Variants in UNC13C observed in about 807,000 individuals in gnomAD.
UNC13C encodes unc-13 homolog C, also known as protein unc-13 homolog C.
In UNC13C, 174 loss-of-function variants were observed where a neutral mutation model predicts 245.4. The ratio of observed to expected loss-of-function variants is 0.71; its 90% CI spans 0.63 to 0.80. UNC13C has a LOEUF of 0.80. Among genes scored for constraint, UNC13C ranks in the 30% least tolerant of loss-of-function variants. UNC13C has a pLI of 0.00. For missense variants in UNC13C, 2,829 were observed against 2,602.9 expected (o/e 1.09, Z -1.89); for synonymous variants, 992 against 895.1 (o/e 1.11, Z -1.93).
At chr15:54,606,441 T>C (rs774584882) in intron 30 of UNC13C, among the ~76,000 whole-genome samples, 17 of 152,314 alleles carry the variant, frequency 1.1e-4, no homozygotes, top group Admixed American at 7.2e-4. Flanking sequence ...ATTTGTGGGT[T>C]TCTTAGGGGA....
chr15:54,343,046 A>G (rs1248732685), intron 17 of UNC13C, among the ~76,000 whole-genome samples: 5 of 151,762 alleles, frequency 3.3e-5, no homozygotes, highest in South Asian at 4.2e-4. Context: ...GGCTCTTTCA[A>G]TTCTTTTACA....
intron 4 of UNC13C, among the ~76,000 whole-genome samples, chr15:54,190,097 C>T (rs1370342161): frequency 6.6e-6 from 1 of 151,982 alleles, no homozygotes; most frequent in Non-Finnish European, 1.5e-5. Flanking sequence ...AAGGTCACAC[C>T]TTCTAGTGTT....
intron 19 of UNC13C, among the ~76,000 whole-genome samples, chr15:54,426,851 G>C (rs902332702): frequency 2.6e-5 from 4 of 151,832 alleles, no homozygotes; most frequent in Admixed American, 6.6e-5. Flanking sequence ...ATTAAATTAG[G>C]TGCTACGTGT....
intron 1 of UNC13C, among the ~76,000 whole-genome samples, chr15:53,997,881 C>T (rs1894706748): frequency 6.6e-6 from 1 of 152,146 alleles, no homozygotes. Context: ...TGGCTCACTG[C>T]AACCTCCACC....
intron 10 of UNC13C, among the ~76,000 whole-genome samples, chr15:54,287,513 A>G (rs748619905): frequency 2.0e-5 from 3 of 152,218 alleles, no homozygotes; most frequent in Non-Finnish European, 4.4e-5. Flanking sequence ...CATTTATTTC[A>G]TTCAACAAGA....
chr15:54,242,977 T>C (rs1352007607), intron 7 of UNC13C, among the ~76,000 whole-genome samples: 1 of 152,198 alleles, frequency 6.6e-6, no homozygotes. Context: ...TTCTCTTTTT[T>C]TTCCGTCAAC....
chr15:54,186,261 T>C (rs187701113), intron 4 of UNC13C, among the ~76,000 whole-genome samples: 25 of 152,296 alleles, frequency 1.6e-4, no homozygotes, highest in African/African-American at 6.0e-4. Flanking sequence ...ATGCCCTTTA[T>C]TTCTTCTCCT....
chr15:54,491,358 G>GAA (rs550133521), intron 19 of UNC13C, among the ~76,000 whole-genome samples: 1 of 151,074 alleles, frequency 6.6e-6, no homozygotes, highest in Admixed American at 6.6e-5. Context: ...CCTACCAAAG[G>GAA]AAAAAAAAAC....
the UNC13C span, among the ~76,000 whole-genome samples, chr15:53,924,934 C>A: frequency 1.3e-5 from 2 of 152,106 alleles, no homozygotes; most frequent in Non-Finnish European, 2.9e-5. Context: ...TATGGTTATA[C>A]GTGTTTTCTA....
the UNC13C span, among the ~76,000 whole-genome samples, chr15:53,918,663 T>A: frequency 1.3e-5 from 2 of 152,184 alleles, no homozygotes; most frequent in African/African-American, 4.8e-5. Context: ...GCACTCCCAT[T>A]GCCTGGTGAC....
At chr15:54,220,676 G>T (rs1220627015) in intron 4 of UNC13C, among the ~76,000 whole-genome samples, 1 of 151,936 alleles carries the variant, frequency 6.6e-6, no homozygotes, top group Non-Finnish European at 1.5e-5. Context: ...CCAAGCAAAT[G>T]TTGTGAGTTT....
chr15:54,455,682 T>C (rs535462453), intron 19 of UNC13C, among the ~76,000 whole-genome samples: 35 of 152,174 alleles, frequency 2.3e-4, no homozygotes, highest in Admixed American at 2.0e-3. Context: ...ATTCATGAAC[T>C]TAGCCTGATT....
intron 2 of UNC13C, among the ~76,000 whole-genome samples, chr15:54,117,827 C>T (rs561907825): frequency 7.9e-5 from 12 of 152,094 alleles, no homozygotes; most frequent in South Asian, 2.1e-4. Flanking sequence ...GTGATTTCCC[C>T]GCCTTGGCCT....
intron 30 of UNC13C, among the ~76,000 whole-genome samples, chr15:54,582,325 G>A (rs1349805232): frequency 2.6e-5 from 4 of 152,152 alleles, no homozygotes; most frequent in Non-Finnish European, 4.4e-5. Flanking sequence ...TAGACAGGGA[G>A]CTGATTTGAG....
intron 18 of UNC13C, among the ~76,000 whole-genome samples, chr15:54,408,664 T>A (rs887504906): frequency 2.0e-5 from 3 of 152,018 alleles, no homozygotes; most frequent in African/African-American, 4.8e-5. Context: ...GTGAAGTAAA[T>A]CAGTAAAAAT....
intron 19 of UNC13C, among the ~76,000 whole-genome samples, chr15:54,430,574 A>ATTAAT (rs2040851933): frequency 6.6e-6 from 1 of 151,682 alleles, no homozygotes; most frequent in Non-Finnish European, 1.5e-5. Context: ...AGCATTAAAT[A>ATTAAT]TTAATAGAAA....
At chr15:53,929,785 A>G in the UNC13C span, among the ~76,000 whole-genome samples, 1 of 152,198 alleles carries the variant, frequency 6.6e-6, no homozygotes, top group Non-Finnish European at 1.5e-5. Context: ...AGAAACCAGC[A>G]TTTTTCAAAT....
Position 54,218,684 on chromosome 15 carries a change from G to A in UNC13C, c.3072-16346G>A, listed in dbSNP as rs1185344881. Among the ~76,000 whole-genome samples the A allele has an allele frequency of 2.0e-5, 3 of 151,888 alleles. No individual in the cohort carries two copies. In the East Asian group the frequency reaches 5.8e-4, roughly 29 times the overall value. On this transcript the variant is annotated intron_variant, in intron 4 of 32. Transcript: ENST00000260323. The stretch of plus-strand genomic sequence containing the variant: ...ACTGAATATAAAAATGACATGCTTA[G>A]ATTTTGTGTTATGGAAAAATCACTC...
At chr15:54,332,603 A>G (rs1469787608) in intron 15 of UNC13C, among the ~76,000 whole-genome samples, 3 of 152,012 alleles carry the variant, frequency 2.0e-5, no homozygotes, top group African/African-American at 7.2e-5. Context: ...CAACAATTCT[A>G]TATATCACCT....
Sources: gnomAD v4.1 joint callset for allele counts (sites outside exome capture counted in the v4.1 genomes callset) on GRCh38, gnomAD v4.1.1 for gene constraint, MANE v1.5 for transcripts, NCBI Gene and HGNC (gene_info 2026-07-23, HGNC 2026-07-21) for gene names.